The following NTNG1 variants were observed in gnomAD, a reference collection of about 807,000 sequenced individuals.
NTNG1 encodes the protein netrin G1, also known as netrin-G1.
A neutral mutation model predicts 54.0 loss-of-function variants in NTNG1; 16 were observed. The ratio of observed to expected loss-of-function variants is 0.30; its 90% CI spans 0.20 to 0.45. NTNG1 has a LOEUF of 0.45. Among genes scored for constraint, NTNG1 ranks in the 20% least tolerant of loss-of-function variants. NTNG1 has a pLI of 1.00. For synonymous variants in NTNG1, 255 were observed against 263.1 expected (o/e 0.97, Z 0.30); for missense variants, 530 against 678.7 (o/e 0.78, Z 2.43).
intron 2 of NTNG1, among the ~76,000 whole-genome samples, chr1:107,162,215 G>A (rs909649782): frequency 1.8e-4 from 27 of 152,092 alleles, no homozygotes; most frequent in Non-Finnish European, 3.1e-4. Context: ...CCCAAGGAAT[G>A]CACCCCAAAG....
In NTNG1 at chr1:107,317,387, T is replaced by A. The variant is rs191282353; in HGVS notation, c.247-6895T>A. ...GTGATTTTTTAAAGAAAATATTTTTTAAAAAGCAACCTCCCTACCACTTAC... is the reference window on the plus strand; with the variant it reads ...GTGATTTTTTAAAGAAAATATTTTTAAAAAAGCAACCTCCCTACCACTTAC... On this transcript the variant is annotated intron_variant, in intron 2 of 7. Transcript: ENST00000370068. Among the ~76,000 whole-genome samples, 1,125 of 152,308 alleles carry A rather than the reference T, an allele frequency of 7.4e-3. 9 individuals carry two copies. The highest frequency in any genetic ancestry group is 0.016 in the African/African-American group (682 of 41,568).
chr1:107,210,928 G>C (rs1401481947), intron 2 of NTNG1, among the ~76,000 whole-genome samples: 4 of 152,044 alleles, frequency 2.6e-5, no homozygotes, highest in Non-Finnish European at 4.4e-5. Context: ...TTCTTTCTTA[G>C]CAATTGTCTT....
chr1:107,466,294 A>G (rs1677608894), intron 7 of NTNG1, among the ~76,000 whole-genome samples: 1 of 152,216 alleles, frequency 6.6e-6, no homozygotes, highest in Non-Finnish European at 1.5e-5. Context: ...TTGAGAAGCT[A>G]TTTCAGAAGT....
intron 7 of NTNG1, among the ~76,000 whole-genome samples, chr1:107,479,434 A>G (rs774852477): frequency 1.3e-5 from 2 of 152,158 alleles, no homozygotes; most frequent in Admixed American, 6.6e-5. Flanking sequence ...ATGAGTGTGT[A>G]GTGTGTTGAA....
intron 5 of NTNG1, among the ~76,000 whole-genome samples, chr1:107,413,086 T>C (rs1440778098): frequency 6.6e-6 from 1 of 152,174 alleles, no homozygotes. Flanking sequence ...ATTTCTCCTG[T>C]AGAACTTTGG....
chr1:107,380,434 A>G (rs900477662), intron 3 of NTNG1, among the ~76,000 whole-genome samples: 4 of 152,028 alleles, frequency 2.6e-5, no homozygotes, highest in African/African-American at 9.7e-5. Flanking sequence ...TTACACATAT[A>G]CTCCCTAGGG....
rs11282150 is a variant in NTNG1 at position 107,250,723 on chromosome 1, G to GTATTTGTAC, written c.247-73559_247-73558insTATTTGTAC. Among the ~76,000 whole-genome samples, 6 of 152,238 alleles carry GTATTTGTAC rather than the reference G, an allele frequency of 3.9e-5. No individual in the cohort carries two copies. In the South Asian group the frequency reaches 6.2e-4, roughly 16 times the overall value. ...GTCCAGAATCCAGGCAAGAGGGTCGGCCCTGCGTCAACCAGTCATTGGAAG... is the reference window on the plus strand; with the variant it reads ...GTCCAGAATCCAGGCAAGAGGGTCGGTATTTGTACCCCTGCGTCAACCAGTCATTGGAAG... On this transcript the variant is annotated intron_variant, in intron 2 of 7. Transcript: ENST00000370068.
chr1:107,419,660 T>C (rs1674458206), intron 5 of NTNG1, among the ~76,000 whole-genome samples: 1 of 150,080 alleles, frequency 6.7e-6, no homozygotes, highest in African/African-American at 2.4e-5. Context: ...GCTTCCACCT[T>C]CCTTAGCTAT....
intron 7 of NTNG1, among the ~76,000 whole-genome samples, chr1:107,454,026 T>G (rs1676781210): frequency 6.6e-6 from 1 of 151,946 alleles, no homozygotes; most frequent in South Asian, 2.1e-4. Context: ...AGCCCAACCC[T>G]CCTTTAGAAC....
chr1:107,189,241 C>A (rs1397167778), intron 2 of NTNG1, among the ~76,000 whole-genome samples: 1 of 150,722 alleles, frequency 6.6e-6, no homozygotes, highest in Non-Finnish European at 1.5e-5. Context: ...GTTCCACCTA[C>A]TCCAAAGGCT....
At chr1:107,186,566 G>C (rs922862699) in intron 2 of NTNG1, among the ~76,000 whole-genome samples, 1 of 152,086 alleles carries the variant, frequency 6.6e-6, no homozygotes, top group Non-Finnish European at 1.5e-5. Flanking sequence ...TGGTGCAAAA[G>C]TAACTGCAGT....
chr1:107,300,622 G>A (rs1666259043), intron 2 of NTNG1, among the ~76,000 whole-genome samples: 1 of 152,178 alleles, frequency 6.6e-6, no homozygotes, highest in Non-Finnish European at 1.5e-5. Flanking sequence ...GGAGCAGTGA[G>A]ATCTGTTTTG....
chr1:107,231,963 T>G (rs1480519498), intron 2 of NTNG1, among the ~76,000 whole-genome samples: 2 of 152,200 alleles, frequency 1.3e-5, no homozygotes, highest in Non-Finnish European at 2.9e-5. Flanking sequence ...TATTTTATAC[T>G]TTGGATGGTC....
intron 4 of NTNG1, among the ~76,000 whole-genome samples, chr1:107,400,122 G>T (rs1672927308): frequency 6.6e-6 from 1 of 152,040 alleles, no homozygotes; most frequent in Non-Finnish European, 1.5e-5. Flanking sequence ...TGTCAGTAAA[G>T]ATCTCAAAGT....
At chr1:107,175,502 T>A (rs1462937990) in intron 2 of NTNG1, among the ~76,000 whole-genome samples, 1 of 152,164 alleles carries the variant, frequency 6.6e-6, no homozygotes, top group Admixed American at 6.5e-5. Context: ...CAGCTCTCAT[T>A]TCAACGGCAA....
At chr1:107,439,249 G>C (rs1306814492) in intron 7 of NTNG1, among the ~76,000 whole-genome samples, 3 of 148,406 alleles carry the variant, frequency 2.0e-5, no homozygotes, top group African/African-American at 4.9e-5. Context: ...AAACGTGATT[G>C]AGCTAACACA....
chr1:107,219,007 A>T (rs959125929), intron 2 of NTNG1, among the ~76,000 whole-genome samples: 1 of 151,864 alleles, frequency 6.6e-6, no homozygotes, highest in African/African-American at 2.4e-5. Flanking sequence ...TTTTGGAAAA[A>T]CTCTGACTTT....
At chr1:107,451,956 G>T (rs1676650567) in intron 7 of NTNG1, among the ~76,000 whole-genome samples, 1 of 152,124 alleles carries the variant, frequency 6.6e-6, no homozygotes, top group Non-Finnish European at 1.5e-5. Context: ...AAACTCTAAG[G>T]TCTATTCCAG....
intron 2 of NTNG1, among the ~76,000 whole-genome samples, chr1:107,290,468 G>C (rs1468824951): frequency 6.6e-6 from 1 of 151,124 alleles, no homozygotes; most frequent in African/African-American, 2.5e-5. Context: ...CCTTGAATAA[G>C]CCATTTTTTT....
Sources: allele counts gnomAD v4.1 joint callset (sites outside exome capture counted in the v4.1 genomes callset), GRCh38; gene constraint gnomAD v4.1.1; transcripts MANE v1.5; gene names NCBI Gene and HGNC (gene_info 2026-07-23, HGNC 2026-07-21).